Variants in NF2 observed in about 807,000 individuals in gnomAD.
NF2 encodes NF2, moesin-ezrin-radixin like (MERLIN) tumor suppressor.
Under a neutral mutation model 83.7 loss-of-function variants are expected in NF2, and 8 were observed. That is an observed-to-expected ratio of 0.10 (90% confidence interval 0.06 to 0.17). NF2 has a LOEUF of 0.17. NF2 is among the 10% of genes least tolerant of loss of function. NF2 has a pLI of 1.00. For missense variants in NF2, 533 were observed against 744.4 expected, an observed-to-expected ratio of 0.72 and a Z score of 3.31; for synonymous variants, 266 against 269.6, an observed-to-expected ratio of 0.99 and a Z score of 0.13.
chr22:29,640,493 C>T (rs1009038919), intron 3 of NF2, among the ~76,000 whole-genome samples: 1 of 152,180 alleles, frequency 6.6e-6, no homozygotes, highest in African/African-American at 2.4e-5. Flanking sequence ...AAAACCTTAT[C>T]AGTTTCACTT....
At chr22:29,682,512 C>T (rs1057101067) in intron 15 of NF2, among the ~76,000 whole-genome samples, 2 of 152,230 alleles carry the variant, frequency 1.3e-5, no homozygotes, top group African/African-American at 2.4e-5. Context: ...TACCTCTCGA[C>T]TCCAGTCACA....
At position 29,640,905 on chromosome 22, in the gene NF2, G is replaced by A. The variant is rs527590224; in HGVS notation, c.364-1297G>A. Among the ~76,000 whole-genome samples, 12 of 152,064 alleles carry A rather than the reference G, an allele frequency of 7.9e-5. No homozygotes were observed. In the South Asian group the frequency reaches 1.7e-3, roughly 21 times the overall value. On this transcript the variant is annotated intron_variant, in intron 3 of 15. Coordinates refer to ENST00000338641, the MANE Select transcript of NF2 (RefSeq NM_000268.4). ...TCCCAGCAATTTGGGAGGCCGAGGCGGGTGGATCACCTGAGGTCAGGAGTT... is the reference window on the plus strand; with the variant it reads ...TCCCAGCAATTTGGGAGGCCGAGGCAGGTGGATCACCTGAGGTCAGGAGTT...
At chr22:29,661,948 T>C (rs779239027) in intron 8 of NF2, among the ~76,000 whole-genome samples, 1 of 152,210 alleles carries the variant, frequency 6.6e-6, no homozygotes, top group African/African-American at 2.4e-5. Context: ...TAGGTTAATA[T>C]GCTTACAAGA....
At chr22:29,684,554 C>T (rs1044855209) in intron 15 of NF2, among the ~76,000 whole-genome samples, 2 of 152,226 alleles carry the variant, frequency 1.3e-5, no homozygotes, top group African/African-American at 4.8e-5. Context: ...TCATTTCTCA[C>T]TGAGCTTTTA....
At chr22:29,681,063 T>G (rs954226934) in intron 14 of NF2, among the ~76,000 whole-genome samples, 1 of 151,788 alleles carries the variant, frequency 6.6e-6, no homozygotes, top group Non-Finnish European at 1.5e-5. Context: ...TCTTTTTTTT[T>G]TTTTAAAAAT....
intron 15 of NF2, chr22:29,684,179 A>G (rs1363367485): frequency 6.2e-6 from 1 of 160,298 alleles, no homozygotes; most frequent in Non-Finnish European, 1.4e-5. Context: ...CCAAGAATCC[A>G]TGACATGAAC....
At chr22:29,638,673 G>A (rs757673444) in intron 2 of NF2, among the ~76,000 whole-genome samples, 4 of 151,926 alleles carry the variant, frequency 2.6e-5, no homozygotes, top group South Asian at 2.1e-4. Flanking sequence ...ATTCTATCAC[G>A]GACCTAAATA....
chr22:29,628,572 G>C (rs2065428410), intron 1 of NF2, among the ~76,000 whole-genome samples: 1 of 151,800 alleles, frequency 6.6e-6, no homozygotes, highest in Non-Finnish European at 1.5e-5. Context: ...AACTGACAGG[G>C]CAAGAGATTA....
intron 1 of NF2, among the ~76,000 whole-genome samples, chr22:29,631,685 A>G (rs1011951637): frequency 1.3e-5 from 2 of 152,206 alleles, no homozygotes; most frequent in African/African-American, 4.8e-5. Context: ...GAATCTAAGG[A>G]GAGGTGGCAG....
chr22:29,667,038 G>GT (rs1159934289), intron 9 of NF2, among the ~76,000 whole-genome samples: 10 of 152,212 alleles, frequency 6.6e-5, no homozygotes, highest in African/African-American at 2.4e-4. Flanking sequence ...ATACACAGGA[G>GT]TAGAAGTACA....
intron 15 of NF2, among the ~76,000 whole-genome samples, chr22:29,692,672 C>T (rs771992834): frequency 3.0e-4 from 45 of 152,210 alleles, no homozygotes; most frequent in Non-Finnish European, 4.9e-4. Context: ...CAGTGCCATA[C>T]GTGACCTTGT....
chr22:29,625,209 G>A (rs1397999197), intron 1 of NF2, among the ~76,000 whole-genome samples: 2 of 152,096 alleles, frequency 1.3e-5, no homozygotes, highest in East Asian at 1.9e-4. Context: ...TTACAGGCAC[G>A]AGCCATTGCA....
intron 2 of NF2, among the ~76,000 whole-genome samples, chr22:29,638,809 A>C (rs2065720632): frequency 6.6e-6 from 1 of 152,222 alleles, no homozygotes; most frequent in African/African-American, 2.4e-5. Context: ...CTAGTTTTTA[A>C]CTATTCTGTG....
At chr22:29,630,371 CAGCTCCT>C (rs948689466) in intron 1 of NF2, among the ~76,000 whole-genome samples, 1 of 152,140 alleles carries the variant, frequency 6.6e-6, no homozygotes, top group Non-Finnish European at 1.5e-5. Context: ...CTCATAAATC[CAGCTCCT>C]ACAAAAAAAA....
chr22:29,643,704 A>C (rs971202994), intron 4 of NF2, among the ~76,000 whole-genome samples: 2 of 152,150 alleles, frequency 1.3e-5, no homozygotes, highest in African/African-American at 2.4e-5. Context: ...CTACACAGAC[A>C]CGGCAACCAT....
At chr22:29,658,109 A>G (rs756460427) in intron 6 of NF2, 80 bp from the exon 7 acceptor site, 41 of 1,314,530 alleles carry the variant, frequency 3.1e-5, no homozygotes, top group Non-Finnish European at 4.3e-5. Flanking sequence ...TGGCAGGGTC[A>G]GAATGCTTGA....
intron 15 of NF2, among the ~76,000 whole-genome samples, chr22:29,687,430 A>G (rs2147145092): frequency 6.6e-6 from 1 of 152,326 alleles, no homozygotes; most frequent in Non-Finnish European, 1.5e-5. Context: ...TTGCAGAGCC[A>G]GTGAAGTGAA....
chr22:29,694,651 C>T lies in NF2; in HGVS notation c.1738-101C>T, dbSNP rs2067495276. On this transcript the variant is annotated intron_variant, in intron 15 of 15. Transcript: ENST00000338641. The surrounding 1 kb of genome is among the most constrained non-coding windows in gnomAD (Gnocchi z 4.1). ...TCTATTTGAACAGCCTTCCCTTTCG[C>T]TCCCAGCCACCTTTGAGGTGAGTCC... The T allele has an allele frequency of 7.9e-7, 1 of 1,271,208 alleles. No homozygotes were observed. Among genetic ancestry groups the T allele is most frequent in the Admixed American group, 1.9e-5 (1 of 52,004 alleles). 78.7% of individuals were successfully genotyped at this position (1,271,208 alleles called of 1,614,324 possible).
intron 8 of NF2, among the ~76,000 whole-genome samples, chr22:29,661,565 A>C (rs1006339689): frequency 2.0e-5 from 3 of 152,248 alleles, no homozygotes; most frequent in Admixed American, 1.3e-4. Flanking sequence ...GCCAGGGAGA[A>C]ACCCCAAAGA....
Sources: gnomAD v4.1 joint callset for allele counts (sites outside exome capture counted in the v4.1 genomes callset) on GRCh38, gnomAD v4.1.1 for gene constraint, Gnocchi (gnomAD v3.1) non-coding constraint, MANE v1.5 for transcripts, NCBI Gene and HGNC (gene_info 2026-07-23, HGNC 2026-07-21) for gene names.